CDH1: variants seen among roughly 807,000 people sequenced by gnomAD.
CDH1 encodes the protein cadherin 1.
A neutral mutation model predicts 84.5 loss-of-function variants in CDH1; 35 were observed. The observed-to-expected ratio is 0.41, with a 90% CI of 0.32 to 0.55. CDH1 has a LOEUF of 0.55. Among genes scored for constraint, CDH1 ranks in the 20% least tolerant of loss-of-function variants. The pLI, the probability that CDH1 is intolerant of heterozygous loss-of-function variation, is 0.19. For missense variants in CDH1, 994 were observed against 1,126.6 expected, an observed-to-expected ratio of 0.88 and a Z score of 1.68; for synonymous variants, 417 against 439.0, an observed-to-expected ratio of 0.95 and a Z score of 0.63.
rs868288171 is a variant in CDH1 at position 68,794,777 on chromosome 16, C to G, written c.164-6893C>G. On this transcript the variant is annotated intron_variant, in intron 2 of 15. Coordinates refer to ENST00000261769, the MANE Select transcript of CDH1 (RefSeq NM_004360.5). Reference sequence around the variant, plus strand: ...TCTTGGCTCACTGCAAGCTCCGACTCCCAGGTTCACACCATTCTCCTGCCT... The same window carrying G: ...TCTTGGCTCACTGCAAGCTCCGACTGCCAGGTTCACACCATTCTCCTGCCT... Among the ~76,000 whole-genome samples, 4 of 150,710 alleles carry G rather than the reference C, an allele frequency of 2.7e-5. No individual in the cohort carries two copies. The South Asian group carries it at 8.3e-4, about 31-fold the overall frequency.
At chr16:68,744,500 T>C (rs1029877814) in intron 2 of CDH1, among the ~76,000 whole-genome samples, 7 of 152,178 alleles carry the variant, frequency 4.6e-5, no homozygotes, top group Non-Finnish European at 8.8e-5. Context: ...GATCTCAGTG[T>C]CCCAGCTTGT....
intron 2 of CDH1, among the ~76,000 whole-genome samples, chr16:68,744,341 A>G (rs757611920): frequency 6.6e-6 from 1 of 152,210 alleles, no homozygotes; most frequent in Non-Finnish European, 1.5e-5. Flanking sequence ...ATGGGAGGGC[A>G]TATAGCCATT....
Position 68,801,701 on chromosome 16 carries a change from G to A in CDH1, c.195G>A (p.Arg65=), listed in dbSNP as rs1057522751. 6.2e-7 allele frequency: 1 copy of A among 1,614,154 alleles called. No homozygotes were observed. Among genetic ancestry groups the A allele is most frequent in the Non-Finnish European group, 8.5e-7 (1 of 1,180,016 alleles). Reference sequence around the variant, plus strand: ...TTGAAGATTGCACCGGTCGACAAAGGACAGCCTATTTTTCCCTCGACACCC... The same window carrying A: ...TTGAAGATTGCACCGGTCGACAAAGAACAGCCTATTTTTCCCTCGACACCC... ...VNFEDCTGRQ[R]TAYFSLDTRF... Residue 65 remains arginine, a synonymous_variant, in exon 3 of 16, where the codon AGG becomes AGA. Coordinates refer to ENST00000261769, the MANE Select transcript of CDH1 (RefSeq NM_004360.5).
At chr16:68,814,811 T>C (rs1960939499) in intron 9 of CDH1, among the ~76,000 whole-genome samples, 1 of 151,512 alleles carries the variant, frequency 6.6e-6, no homozygotes, top group Admixed American at 6.6e-5. Context: ...GCCCAACTAC[T>C]TGGGAGGCTG....
intron 2 of CDH1, among the ~76,000 whole-genome samples, chr16:68,767,937 A>G (rs559247001): frequency 4.6e-5 from 7 of 151,604 alleles, no homozygotes; most frequent in African/African-American, 1.7e-4. Context: ...CTCTAAAAAT[A>G]TGTTATAAAA....
At chr16:68,757,967 CTTTTTT>C (rs58385798) in intron 2 of CDH1, among the ~76,000 whole-genome samples, 1 of 113,356 alleles carries the variant, frequency 8.8e-6, no homozygotes. Flanking sequence ...CCAGGCTAAT[CTTTTTT>C]TTTTTTTTTT....
intron 13 of CDH1, among the ~76,000 whole-genome samples, chr16:68,825,379 A>G (rs942306237): frequency 6.6e-6 from 1 of 152,202 alleles, no homozygotes; most frequent in Admixed American, 6.5e-5. Context: ...GACCAGGCCA[A>G]GCTGGTGGGA....
At chr16:68,779,785 G>T (rs1220683301) in intron 2 of CDH1, among the ~76,000 whole-genome samples, 1 of 152,162 alleles carries the variant, frequency 6.6e-6, no homozygotes, top group Non-Finnish European at 1.5e-5. Flanking sequence ...CCTGGGAGGT[G>T]GAGGTGACAG....
chr16:68,833,068 T>A (rs1961526302), intron 15 of CDH1, among the ~76,000 whole-genome samples: 1 of 152,196 alleles, frequency 6.6e-6, no homozygotes, highest in Non-Finnish European at 1.5e-5. Context: ...TGCCTACATA[T>A]AACTCACCAT....
chr16:68,801,636 C>A (rs2152126522), intron 2 of CDH1, 34 bp from the exon 3 acceptor site: 2 of 1,554,728 alleles, frequency 1.3e-6, no homozygotes, highest in South Asian at 1.1e-5. Flanking sequence ...TTAATCTGTC[C>A]AATTTCCTAA....
chr16:68,795,964 T>C (rs1960346898), intron 2 of CDH1, among the ~76,000 whole-genome samples: 1 of 151,472 alleles, frequency 6.6e-6, no homozygotes, highest in Non-Finnish European at 1.5e-5. Context: ...GAGTTCGAGG[T>C]TATCCTGGCC....
At position 68,803,479 on chromosome 16, in the gene CDH1, C is replaced by T. The variant is rs183796496; in HGVS notation, c.387+1586C>T. ...GTGGTGCAATTTCGGCTCACGGCAA[C>T]GTCTGCCTCCTGGGTTCAAACAATT... On this transcript the variant is annotated intron_variant, in intron 3 of 15. Coordinates refer to ENST00000261769, the MANE Select transcript of CDH1 (RefSeq NM_004360.5). 3.2e-4 allele frequency among the ~76,000 whole-genome samples: 49 copies of T among 152,192 alleles called. No individual in the cohort carries two copies. In the East Asian group the frequency reaches 5.8e-3, roughly 18 times the overall value.
At position 68,815,730 on chromosome 16, in the gene CDH1, G is replaced by T. The variant is rs1597898279; in HGVS notation, c.1536G>T (p.Glu512Asp). 2.5e-6 allele frequency: 4 copies of T among 1,614,216 alleles called. No individual in the cohort carries two copies. Among genetic ancestry groups the T allele is most frequent in the Middle Eastern group, 1.7e-4 (1 of 6,056 alleles). The change falls in exon 10 of 16, where the codon GAG becomes GAT. Residue 512 changes from glutamate (E) to aspartate (D), a missense_variant. Physicochemically the swap from Glu to Asp is conservative, Grantham distance 45 (BLOSUM62 2). Around this residue, in one of 3 missense-constraint regions of CDH1, gnomAD observed 769 missense variants for 881.8 expected, o/e 0.87. Transcript: ENST00000261769. ...GQEITSYTAQ[E>D]PDTFMEQKIT... ...AAATCACATCCTACACTGCCCAGGA[G>T]CCAGACACATTTATGGAACAGAAAA...
intron 2 of CDH1, among the ~76,000 whole-genome samples, chr16:68,795,651 T>C (rs1032466590): frequency 6.6e-6 from 1 of 151,862 alleles, no homozygotes; most frequent in South Asian, 2.1e-4. Context: ...CCCGCCACCA[T>C]GCCTGGCTAA....
rs1284989530 is a variant in CDH1 at position 68,801,709 on chromosome 16, A to G, written c.203A>G (p.Tyr68Cys). 6.2e-7 allele frequency: 1 copy of G among 1,614,078 alleles called. No individual in the cohort carries two copies. The highest frequency in any genetic ancestry group is 8.5e-7 in the Non-Finnish European group (1 of 1,180,004). The change falls in exon 3 of 16, where the codon TAT (tyrosine) becomes TGT (cysteine). Residue 68 changes from tyrosine (Y) to cysteine (C), a missense_variant. Physicochemically the swap from Tyr to Cys is radical, Grantham distance 194. Transcript: ENST00000261769. Reference protein sequence around the residue: ...EDCTGRQRTAYFSLDTRFKVG... With the variant: ...EDCTGRQRTACFSLDTRFKVG... ...TGCACCGGTCGACAAAGGACAGCCT[A>G]TTTTTCCCTCGACACCCGATTCAAA... is the stretch of plus-strand genomic sequence containing the variant.
At chr16:68,760,088 T>TATA (rs1567482267) in intron 2 of CDH1, among the ~76,000 whole-genome samples, 3,090 of 63,048 alleles carry the variant, frequency 0.049, 91 homozygotes, top group African/African-American at 0.094. Flanking sequence ...ATATATATAT[T>TATA]TTTTTTTTTT....
chr16:68,813,166 A>G (rs1411403605), intron 8 of CDH1, 147 bp from the exon 9 acceptor site: 4 of 809,298 alleles, frequency 4.9e-6, no homozygotes, highest in Non-Finnish European at 6.2e-6. Context: ...ACAGTGAGCC[A>G]TGATCGCTCA....
chr16:68,745,192 T>C (rs1168670446), intron 2 of CDH1, among the ~76,000 whole-genome samples: 1 of 151,368 alleles, frequency 6.6e-6, no homozygotes, highest in African/African-American at 2.4e-5. Context: ...TTAAAAGTTA[T>C]CCAGGCCAGA....
At chr16:68,768,960 A>G (rs1051604364) in intron 2 of CDH1, among the ~76,000 whole-genome samples, 3 of 152,164 alleles carry the variant, frequency 2.0e-5, no homozygotes, top group African/African-American at 7.2e-5. Flanking sequence ...ATCTCTTTCC[A>G]GTCTCTGCTC....
Sources: allele counts gnomAD v4.1 joint callset (sites outside exome capture counted in the v4.1 genomes callset), GRCh38; gene constraint gnomAD v4.1.1; regional missense constraint gnomAD v4.1.1; transcripts MANE v1.5; gene names NCBI Gene and HGNC (gene_info 2026-07-23, HGNC 2026-07-21).